The following PIEZO2 variants were observed in gnomAD, a reference collection of about 807,000 sequenced individuals.
The protein encoded by PIEZO2 is piezo type mechanosensitive ion channel component 2.
In PIEZO2, 172 loss-of-function variants were observed where a neutral mutation model predicts 337.3. The observed-to-expected ratio is 0.51, with a 90% CI of 0.45 to 0.58. The LOEUF (loss-of-function observed/expected upper bound fraction) is 0.58, where lower values mean the gene tolerates loss of function less well. Among genes scored for constraint, PIEZO2 ranks in the 20% least tolerant of loss-of-function variants. PIEZO2 has a pLI of 0.00. For missense variants in PIEZO2, 3,028 were observed against 3,391.3 expected (o/e 0.89, Z 2.66); for synonymous variants, 1,251 against 1,228.5 (o/e 1.02, Z -0.38).
At chr18:11,046,503 C>T (rs572898024) in intron 2 of PIEZO2, among the ~76,000 whole-genome samples, 3 of 152,222 alleles carry the variant, frequency 2.0e-5, no homozygotes, top group Non-Finnish European at 2.9e-5. Flanking sequence ...GTAATCAATC[C>T]TCACCTACTA....
Position 11,146,576 on chromosome 18 carries a change from A to G in PIEZO2, c.64+1949T>C, listed in dbSNP as rs1432594866. Among the ~76,000 whole-genome samples, 1 of 152,216 alleles carries G rather than the reference A, an allele frequency of 6.6e-6. No homozygotes were observed. Among genetic ancestry groups the G allele is most frequent in the Non-Finnish European group, 1.5e-5 (1 of 68,038 alleles). On this transcript the variant is annotated intron_variant, in intron 1 of 55. Transcript: ENST00000674853. The surrounding 1 kb of genome is among the most constrained non-coding windows in gnomAD (Gnocchi z 6.1). ...GCCCTACTGAAGGAGTTTTTAGCATAGGCCACCAACCTTTAGTAGGACTGA... is the reference window on the plus strand; with the variant it reads ...GCCCTACTGAAGGAGTTTTTAGCATGGGCCACCAACCTTTAGTAGGACTGA...
intron 7 of PIEZO2, among the ~76,000 whole-genome samples, chr18:10,843,709 C>G (rs1217343642): frequency 1.2e-4 from 19 of 152,174 alleles, no homozygotes; most frequent in Admixed American, 6.5e-5. Context: ...TACTGAGAGA[C>G]ACAAAGGTCA....
At chr18:11,103,878 T>G (rs1318178761) in intron 1 of PIEZO2, among the ~76,000 whole-genome samples, 2 of 151,658 alleles carry the variant, frequency 1.3e-5, no homozygotes, top group Non-Finnish European at 2.9e-5. Context: ...GAAGTTGGAG[T>G]GCAGTGGAGC....
At chr18:10,700,614 T>G (rs2035290952) in intron 43 of PIEZO2, among the ~76,000 whole-genome samples, 1 of 152,100 alleles carries the variant, frequency 6.6e-6, no homozygotes, top group African/African-American at 2.4e-5. Context: ...TATAATAATT[T>G]TAAATGATAC....
intron 49 of PIEZO2, 61 bp downstream of exon 49, chr18:10,689,594 T>C: frequency 6.2e-7 from 1 of 1,609,550 alleles, no homozygotes; most frequent in Non-Finnish European, 8.5e-7. Flanking sequence ...ACATTCATCT[T>C]ATAACCAGCC....
At chr18:10,754,527 A>G (rs2037763513) in intron 27 of PIEZO2, among the ~76,000 whole-genome samples, 1 of 152,260 alleles carries the variant, frequency 6.6e-6, no homozygotes, top group Non-Finnish European at 1.5e-5. Context: ...AGCTTTAAAA[A>G]TCAATGGCAC....
Position 10,702,030 on chromosome 18 carries a change from T to A in PIEZO2, c.6400A>T (p.Ile2134Phe), listed in dbSNP as rs575579489. The change falls in exon 43 of 56, where the codon ATC becomes TTC. Residue 2134 changes from isoleucine to phenylalanine, a missense_variant. Coordinates refer to ENST00000674853, the MANE Select transcript of PIEZO2 (RefSeq NM_001378183.1). Reference protein sequence around the residue: ...KKEGYVLYDLIQLLALFFHRS... With the variant: ...KKEGYVLYDLFQLLALFFHRS... Reference sequence around the variant, plus strand: ...TGAAAGAACAGAGCCAGGAGCTGGATGAGGTCATAGAGAACATAACCTTCC... The same window carrying A: ...TGAAAGAACAGAGCCAGGAGCTGGAAGAGGTCATAGAGAACATAACCTTCC... The A allele has an allele frequency of 8.5e-6, 13 of 1,534,644 alleles. No homozygotes were observed. The highest frequency in any genetic ancestry group is 1.1e-5 in the Non-Finnish European group (13 of 1,146,172).
chr18:10,852,175 C>T (rs2041572285), intron 7 of PIEZO2, among the ~76,000 whole-genome samples: 1 of 152,208 alleles, frequency 6.6e-6, no homozygotes, highest in African/African-American at 2.4e-5. Flanking sequence ...TTATTCACTT[C>T]TGCCTGGAGT....
rs1173735460 is a variant in PIEZO2, at chr18:10,759,640, C to G, written c.3656-57G>C. 4.6e-6 allele frequency: 7 copies of G among 1,535,338 alleles called. No individual in the cohort carries two copies. The highest frequency in any genetic ancestry group is 6.1e-6 in the Non-Finnish European group (7 of 1,145,254). The stretch of plus-strand genomic sequence containing the variant: ...CAATACTCTTCTTCACCACTCTTCT[C>G]CCAGCCGTCCGCTCAGTAATGGCTT... On this transcript the variant is annotated intron_variant, in intron 25 of 55. Transcript: ENST00000674853. The surrounding 1 kb of genome is among the most constrained non-coding windows in gnomAD (Gnocchi z 5.5).
rs1266680396 is a variant in PIEZO2, at chr18:11,104,207, A to G, written c.65-37985T>C. Among the ~76,000 whole-genome samples, 1 of 152,190 alleles carries G rather than the reference A, an allele frequency of 6.6e-6. No homozygotes were observed. Among genetic ancestry groups the G allele is most frequent in the Non-Finnish European group, 1.5e-5 (1 of 68,032 alleles). On this transcript the variant is annotated intron_variant, in intron 1 of 55. Coordinates refer to ENST00000674853, the MANE Select transcript of PIEZO2 (RefSeq NM_001378183.1). This position sits in a 1 kb window ranked among gnomAD's most constrained non-coding sequence, Gnocchi z 4.6. The stretch of plus-strand genomic sequence containing the variant: ...GCATAATGCACCAGGAGAATGGTCT[A>G]TGTAACACTTGGAGCCCAGAATTTG...
chr18:10,920,199 C>A (rs9950007), intron 3 of PIEZO2, among the ~76,000 whole-genome samples: 42,627 of 152,020 alleles, frequency 0.28, 6,209 homozygotes, highest in Middle Eastern at 0.32. Context: ...ACCCCACCTT[C>A]CCCTGACTTC....
At chr18:10,788,390 C>CAG (rs2039293995) in intron 15 of PIEZO2, among the ~76,000 whole-genome samples, 2 of 130,148 alleles carry the variant, frequency 1.5e-5, no homozygotes, top group South Asian at 4.8e-4. Flanking sequence ...GCCTAAGGGA[C>CAG]AGAGCAAGAC....
chr18:10,820,011 T>C (rs976513070), intron 7 of PIEZO2, among the ~76,000 whole-genome samples: 1 of 152,228 alleles, frequency 6.6e-6, no homozygotes, highest in Non-Finnish European at 1.5e-5. Flanking sequence ...GCTTTTTGAA[T>C]GGCATTCATT....
intron 4 of PIEZO2, among the ~76,000 whole-genome samples, chr18:10,883,816 CT>C (rs71169957): frequency 6.4e-4 from 79 of 122,722 alleles, no homozygotes; most frequent in Non-Finnish European, 6.6e-4. Context: ...AGTCCTACTT[CT>C]TTTTTTTTTT....
rs954933464 is a variant in PIEZO2, at chr18:10,707,681, T to C, written c.5588+594A>G. 1.1e-4 allele frequency among the ~76,000 whole-genome samples: 17 copies of C among 152,230 alleles called. No homozygotes were observed. The highest frequency in any genetic ancestry group is 3.9e-4 in the African/African-American group (16 of 41,458). On this transcript the variant is annotated intron_variant, in intron 40 of 55. Transcript: ENST00000674853. This position sits in a 1 kb window ranked among gnomAD's most constrained non-coding sequence, Gnocchi z 4.2. ...ATTTGGGAGAACTTAAGCCACAGTA[T>C]ATTTTCCCCAAAATAAAAGTTATAG...
In PIEZO2 at chr18:10,797,505, C is replaced by G. The variant is rs1169817304; in HGVS notation, c.1396G>C (p.Glu466Gln). Residue 466 changes from glutamate to glutamine, a missense_variant, in exon 12 of 56, where the codon GAG becomes CAG. Glu to Gln is a conservative substitution (Grantham distance 29). Transcript: ENST00000674853. Reference sequence around the variant, plus strand: ...TCTTCAAATTCTTCTTTCTCTTCCTCTTCCTCCTCTCGCTTTTCTAGATGG... The same window carrying G: ...TCTTCAAATTCTTCTTTCTCTTCCTGTTCCTCCTCTCGCTTTTCTAGATGG... ...DESSEKREEE[E>Q]EEKEEFEEER... 6.5e-7 allele frequency: 1 copy of G among 1,536,844 alleles called. No homozygotes were observed. The highest frequency in any genetic ancestry group is 8.7e-7 in the Non-Finnish European group (1 of 1,146,860).
intron 3 of PIEZO2, among the ~76,000 whole-genome samples, chr18:10,947,755 T>C (rs879861962): frequency 1.6e-4 from 24 of 152,130 alleles, no homozygotes; most frequent in Non-Finnish European, 2.8e-4. Context: ...TTCAAACAAA[T>C]ATGATAACAA....
chr18:10,681,631 C>T, intron 51 of PIEZO2, 30 bp downstream of exon 51: 1 of 1,518,112 alleles, frequency 6.6e-7, no homozygotes. Flanking sequence ...GAGAGGTCTT[C>T]ACAGAAATCT....
chr18:10,726,583 T>C lies in PIEZO2; in HGVS notation c.5029+4824A>G. ...TGTGCGTCTGTCCTTCCGCCAGCTC[T>C]TCCAGGACCTGGCGCGCTACGTGCG... On this transcript the variant is annotated intron_variant, in intron 36 of 55. Transcript: ENST00000674853. This position sits in a 1 kb window ranked among gnomAD's most constrained non-coding sequence, Gnocchi z 5.9. 7.1e-7 allele frequency: 1 copy of C among 1,400,336 alleles called. No homozygotes were observed. Among genetic ancestry groups the C allele is most frequent in the East Asian group, 2.5e-5 (1 of 39,748 alleles). 86.7% of individuals were successfully genotyped at this position (1,400,336 alleles called of 1,614,324 possible). A position where few individuals can be genotyped will look rare whatever the true frequency, so the allele number is the denominator to read the frequency against.
Sources: allele counts gnomAD v4.1 joint callset (sites outside exome capture counted in the v4.1 genomes callset), GRCh38; gene constraint gnomAD v4.1.1; non-coding constraint Gnocchi (gnomAD v3.1); transcripts MANE v1.5; gene names NCBI Gene and HGNC (gene_info 2026-07-23, HGNC 2026-07-21).